Variants in PWWP2B observed in about 807,000 individuals in gnomAD.
The protein encoded by PWWP2B is PWWP domain containing 2B.
In PWWP2B, 9 loss-of-function variants were observed where a neutral mutation model predicts 15.5. That is an observed-to-expected ratio of 0.58 (90% CI 0.35 to 1.02). The LOEUF is 1.02. PWWP2B is among the 50% of genes least tolerant of loss of function. PWWP2B has a pLI of 0.02. For synonymous variants in PWWP2B, 474 were observed against 403.6 expected (o/e 1.17, Z -2.09); for missense variants, 864 against 865.3 (o/e 1.00, Z 0.02).
rs1238693416 is a variant in PWWP2B, at chr10:132,404,946, A to G, written c.446A>G (p.Lys149Arg). ...CCCCAGCCGCCGCCCAGGACCATCA[A>G]GCGCACGCGGCGGCGTCTGTCCCGC... ...WVPQPPPRTI[K>R]RTRRRLSRNR... Residue 149 changes from lysine to arginine, a missense_variant, in exon 2 of 3, where the codon AAG becomes AGG. Physicochemically the swap from Lys to Arg is conservative, Grantham distance 26. Coordinates refer to ENST00000305233, the MANE Select transcript of PWWP2B (RefSeq NM_138499.4). 1.9e-6 allele frequency: 3 copies of G among 1,593,558 alleles called. No individual in the cohort carries two copies. Among genetic ancestry groups the G allele is most frequent in the South Asian group, 2.2e-5 (2 of 90,806 alleles).
intron 2 of PWWP2B, among the ~76,000 whole-genome samples, chr10:132,411,665 A>G (rs1196023920): frequency 5.3e-5 from 8 of 152,256 alleles, no homozygotes. Context: ...GGAAATAAAG[A>G]TAATAATCAG....
chr10:132,399,313 A>G (rs2133144467), intron 1 of PWWP2B, among the ~76,000 whole-genome samples: 1 of 152,338 alleles, frequency 6.6e-6, no homozygotes, highest in East Asian at 1.9e-4. Flanking sequence ...ACCTCAGGGA[A>G]CCTGTGGGTC....
At chr10:132,398,384 G>C (rs535816126) in intron 1 of PWWP2B, among the ~76,000 whole-genome samples, 6 of 152,228 alleles carry the variant, frequency 3.9e-5, no homozygotes, top group African/African-American at 9.6e-5. Flanking sequence ...GGGAGTGCAC[G>C]GGCAGGATGG....
At chr10:132,416,936 G>A (rs1004893577) in intron 2 of PWWP2B, 125 bp from the exon 3 acceptor site, 49 of 942,314 alleles carry the variant, frequency 5.2e-5, no homozygotes, top group African/African-American at 1.1e-4. Flanking sequence ...GCTGGGGGGC[G>A]GTGGAGGTCC....
chr10:132,408,672 G>C (rs2069735599), intron 2 of PWWP2B, among the ~76,000 whole-genome samples: 1 of 152,258 alleles, frequency 6.6e-6, no homozygotes, highest in Non-Finnish European at 1.5e-5. Context: ...CCTGAGGTTT[G>C]TGGGTGTCTG....
chr10:132,397,586 C>T (rs1042538884), intron 1 of PWWP2B, among the ~76,000 whole-genome samples: 68 of 135,744 alleles, frequency 5.0e-4, no homozygotes, highest in African/African-American at 1.8e-3. Context: ...CGGGGCGGGC[C>T]GGGGCGGGGG....
intron 2 of PWWP2B, 99 bp from the exon 3 acceptor site, chr10:132,416,962 C>A: frequency 7.5e-7 from 1 of 1,324,726 alleles, no homozygotes; most frequent in Non-Finnish European, 1.1e-6. Flanking sequence ...GAGCCTCAGG[C>A]CCTCCGGGGC....
chr10:132,417,337 G>T lies in PWWP2B; in HGVS notation c.*293G>T, dbSNP rs2069873469. ...GACTTGCTGGCTGCTGGCTGCTGCT[G>T]CCTCGCGCGCTGGGGTTCCATGGAG... On this transcript the variant is annotated 3_prime_UTR_variant, in exon 3 of 3. Coordinates refer to ENST00000305233, the MANE Select transcript of PWWP2B (RefSeq NM_138499.4). The T allele has an allele frequency of 1.9e-6, 1 of 514,804 alleles. No homozygotes were observed. The highest frequency in any genetic ancestry group is 3.7e-5 in the Admixed American group (1 of 27,230). The allele number at this position is 514,804 out of a possible 1,614,324, so 31.9% of individuals were successfully genotyped here. A position where few individuals can be genotyped will look rare whatever the true frequency, so the allele number is the denominator to read the frequency against.
intron 2 of PWWP2B, among the ~76,000 whole-genome samples, chr10:132,415,780 T>C (rs1221089604): frequency 3.3e-5 from 5 of 152,156 alleles, no homozygotes; most frequent in African/African-American, 9.7e-5. Flanking sequence ...AGACTTGGTG[T>C]TTATGTTAAT....
Position 132,405,521 on chromosome 10 carries a change from G to C in PWWP2B, c.1021G>C (p.Gly341Arg). Residue 341 changes from glycine to arginine, a missense_variant, in exon 2 of 3, where the codon GGG becomes CGG. Physicochemically the swap from Gly to Arg is moderately radical, Grantham distance 125. This residue lies in a region of PWWP2B where 736 missense variants were observed against 687.7 expected (regional missense o/e 1.07). Coordinates refer to ENST00000305233, the MANE Select transcript of PWWP2B (RefSeq NM_138499.4). Reference protein sequence around the residue: ...PKIRLKPHRLGDSEHEPVYRA... With the variant: ...PKIRLKPHRLRDSEHEPVYRA... ...GATCCGCCTGAAGCCCCACCGTCTG[G>C]GGGACAGCGAGCACGAGCCCGTGTA... 3 of 1,603,928 alleles carry C rather than the reference G, an allele frequency of 1.9e-6. No individual in the cohort carries two copies. Among genetic ancestry groups the C allele is most frequent in the Non-Finnish European group, 2.5e-6 (3 of 1,179,292 alleles).
At chr10:132,398,713 C>T (rs999882096) in intron 1 of PWWP2B, among the ~76,000 whole-genome samples, 1 of 152,234 alleles carries the variant, frequency 6.6e-6, no homozygotes, top group Non-Finnish European at 1.5e-5. Flanking sequence ...ATGGAAAAAA[C>T]CAGGCCCGAT....
chr10:132,406,324 C>T (rs368393318), intron 2 of PWWP2B, 35 bp downstream of exon 2: 62 of 1,528,922 alleles, frequency 4.1e-5, no homozygotes, highest in South Asian at 2.9e-4. Context: ...TTCCCCCCAG[C>T]GGCCCAAGCT....
In PWWP2B at chr10:132,404,668, G is replaced by GGTC; in HGVS notation, c.170_172dup (p.Val57dup). 6.2e-7 allele frequency: 1 copy of GGTC among 1,612,768 alleles called. No individual in the cohort carries two copies. On this transcript the variant is annotated inframe_insertion, in exon 2 of 3. Coordinates refer to ENST00000305233, the MANE Select transcript of PWWP2B (RefSeq NM_138499.4). ...TACCCCCGTTGGCTCCGCTGCCCCA[G>GGTC]GTCGATGAGTCCCCTGTCAACGACA...
intron 2 of PWWP2B, among the ~76,000 whole-genome samples, chr10:132,416,304 C>T (rs1252306240): frequency 6.6e-6 from 1 of 152,182 alleles, no homozygotes; most frequent in Non-Finnish European, 1.5e-5. Flanking sequence ...CCGCTGCCTT[C>T]CCCGTCCCTG....
chr10:132,397,274 C>T lies in PWWP2B; in HGVS notation c.48C>T (p.Val16=), dbSNP rs1402955659. The T allele has an allele frequency of 7.2e-7, 1 of 1,398,558 alleles. No individual in the cohort carries two copies. Among genetic ancestry groups the T allele is most frequent in the East Asian group, 3.0e-5 (1 of 33,202 alleles). 86.6% of individuals were successfully genotyped at this position (1,398,558 alleles called of 1,614,324 possible). The change falls in exon 1 of 3, where the codon GTC becomes GTT. Residue 16 remains valine, a synonymous_variant. Coordinates refer to ENST00000305233, the MANE Select transcript of PWWP2B (RefSeq NM_138499.4). ...GCRLPVRVEQ[V]VNGALVVTVS... is the part of the protein sequence containing the mutation. Reference sequence around the variant, plus strand: ...GGCTGCCGGTGCGGGTGGAGCAGGTCGTCAACGGCGCGCTGGTGGTCACGG... The same window carrying T: ...GGCTGCCGGTGCGGGTGGAGCAGGTTGTCAACGGCGCGCTGGTGGTCACGG...
intron 2 of PWWP2B, among the ~76,000 whole-genome samples, chr10:132,415,250 ACACACACACCCG>A (rs1450253993): frequency 6.6e-6 from 1 of 150,740 alleles, no homozygotes; most frequent in Non-Finnish European, 1.5e-5. Flanking sequence ...ACATCCACTC[ACACACACACCCG>A]CTCACACATT....
At chr10:132,400,430 G>A (rs1345117758) in intron 1 of PWWP2B, among the ~76,000 whole-genome samples, 3 of 152,112 alleles carry the variant, frequency 2.0e-5, no homozygotes, top group Non-Finnish European at 2.9e-5. Context: ...ACAGGGGGCC[G>A]GCCGTGGCCA....
At chr10:132,407,282 G>A (rs1047154487) in intron 2 of PWWP2B, among the ~76,000 whole-genome samples, 3 of 152,208 alleles carry the variant, frequency 2.0e-5, no homozygotes, top group African/African-American at 7.2e-5. Context: ...GGGGGCAGCT[G>A]GTGGCCCTCT....
chr10:132,408,130 G>A (rs185923431), intron 2 of PWWP2B, among the ~76,000 whole-genome samples: 5 of 152,360 alleles, frequency 3.3e-5, no homozygotes, highest in East Asian at 1.9e-4. Flanking sequence ...CGGGGCCTGC[G>A]CCGGGACCAG....
Sources: gnomAD v4.1 joint callset for allele counts (sites outside exome capture counted in the v4.1 genomes callset) on GRCh38, gnomAD v4.1.1 for gene constraint, gnomAD v4.1.1 regional missense constraint, MANE v1.5 for transcripts, NCBI Gene and HGNC (gene_info 2026-07-23, HGNC 2026-07-21) for gene names.